NMNAT3: variants seen among roughly 807,000 people sequenced by gnomAD.
NMNAT3 encodes the protein nicotinamide/nicotinic acid mononucleotide adenylyltransferase 3.
Under a neutral mutation model 24.8 loss-of-function variants are expected in NMNAT3, and 21 were observed. The ratio of observed to expected loss-of-function variants is 0.85; its 90% CI spans 0.60 to 1.22. The LOEUF (loss-of-function observed/expected upper bound fraction) is 1.22, where lower values mean the gene tolerates loss of function less well. Among genes scored for constraint, NMNAT3 ranks in the 50% most tolerant of loss-of-function variants. NMNAT3 has a pLI of 0.00. For synonymous variants in NMNAT3, 136 were observed against 155.2 expected (o/e 0.88, Z 0.92); for missense variants, 387 against 436.6 (o/e 0.89, Z 1.01).
At chr3:139,576,154 C>A in intron 5 of NMNAT3, 1 of 985,382 alleles carries the variant, frequency 1.0e-6, no homozygotes, top group South Asian at 4.7e-5. Context: ...ATCAAGAGGA[C>A]ACTAAATGGA....
intron 5 of NMNAT3, chr3:139,576,017 G>A: frequency 7.8e-7 from 1 of 1,289,104 alleles, no homozygotes; most frequent in African/African-American, 1.5e-5. Context: ...GACAACACAA[G>A]ATCATGTCTG....
At chr3:139,657,410 T>C (rs925069314) in intron 1 of NMNAT3, among the ~76,000 whole-genome samples, 2 of 152,188 alleles carry the variant, frequency 1.3e-5, no homozygotes, top group Non-Finnish European at 1.5e-5. Context: ...GAAAAACAGG[T>C]TAGTGCGCAG....
intron 5 of NMNAT3, 113 bp downstream of exon 5, chr3:139,578,759 G>T: frequency 2.3e-6 from 2 of 859,362 alleles, no homozygotes; most frequent in Non-Finnish European, 1.7e-6. Context: ...GATATTTGCT[G>T]AGAAGGTCTG....
At chr3:139,662,843 C>A (rs567568443) in intron 1 of NMNAT3, among the ~76,000 whole-genome samples, 1 of 152,042 alleles carries the variant, frequency 6.6e-6, no homozygotes. Flanking sequence ...CTTTTAATGA[C>A]CCCCCAATCA....
At chr3:139,608,670 C>T (rs553382942) in intron 3 of NMNAT3, among the ~76,000 whole-genome samples, 1 of 152,172 alleles carries the variant, frequency 6.6e-6, no homozygotes, top group East Asian at 1.9e-4. Flanking sequence ...AATATTATAC[C>T]ACAATGTCAC....
intron 6 of NMNAT3, among the ~76,000 whole-genome samples, chr3:139,563,687 A>C (rs1007576907): frequency 6.6e-6 from 1 of 152,152 alleles, no homozygotes. Context: ...CTCGGGCAAC[A>C]TGGGCCTCAG....
intron 1 of NMNAT3, among the ~76,000 whole-genome samples, chr3:139,642,249 C>T (rs141739121): frequency 6.6e-6 from 1 of 152,328 alleles, no homozygotes; most frequent in East Asian, 1.9e-4. Flanking sequence ...AAAGCGCCTG[C>T]TGATCAGGTG....
In NMNAT3 at chr3:139,578,957, G is replaced by A. The variant is rs527270968; in HGVS notation, c.490C>T (p.Leu164=). ...ATCCAGTCGGATGTCTGCAGGGCCA[G>A]CCGGGCCATGGCCACTCGGTGATGA... The change falls in exon 5 of 7, where the codon CTG becomes TTG. Residue 164 remains leucine (L), a synonymous_variant. Transcript: ENST00000643695. The A allele has an allele frequency of 1.1e-5, 18 of 1,614,214 alleles. No homozygotes were observed. In the East Asian group the frequency reaches 4.0e-4, roughly 36 times the overall value.
chr3:139,650,395 C>T (rs963527965), intron 1 of NMNAT3, among the ~76,000 whole-genome samples: 19 of 152,190 alleles, frequency 1.2e-4, no homozygotes, highest in African/African-American at 4.6e-4. Flanking sequence ...ATCTGGAAGG[C>T]TTATGCTTAA....
At chr3:139,576,267 G>C in intron 5 of NMNAT3, 1 of 979,162 alleles carries the variant, frequency 1.0e-6, no homozygotes, top group Non-Finnish European at 1.2e-6. Context: ...ATAATTTTCG[G>C]AAAGTGTTAG....
At chr3:139,592,296 T>C (rs1445099691) in intron 3 of NMNAT3, among the ~76,000 whole-genome samples, 3 of 152,100 alleles carry the variant, frequency 2.0e-5, no homozygotes, top group Non-Finnish European at 4.4e-5. Context: ...ATGAGCAAAG[T>C]GTCCAAGAAA....
chr3:139,645,897 A>G (rs1488209856), intron 1 of NMNAT3, among the ~76,000 whole-genome samples: 1 of 152,244 alleles, frequency 6.6e-6, no homozygotes, highest in African/African-American at 2.4e-5. Context: ...AATGTATCCA[A>G]TTAAAGAATA....
chr3:139,626,468 G>A (rs2056055924), intron 3 of NMNAT3, among the ~76,000 whole-genome samples: 1 of 151,806 alleles, frequency 6.6e-6, no homozygotes, highest in African/African-American at 2.4e-5. Flanking sequence ...CTTTTATATT[G>A]TCCATATCTC....
intron 5 of NMNAT3, among the ~76,000 whole-genome samples, chr3:139,574,607 G>C (rs1185013732): frequency 1.3e-5 from 2 of 152,092 alleles, no homozygotes; most frequent in Non-Finnish European, 1.5e-5. Context: ...CTGTATTTAG[G>C]GGGCAGTAGT....
rs112934155 is a variant in NMNAT3 at position 139,646,485 on chromosome 3, C to T, written c.-140-8423G>A. Reference sequence around the variant, plus strand: ...CATCCTCTGTCTGAAATGAGGCAACCAACATCTCCCCACAATCATTCCCCT... The same window carrying T: ...CATCCTCTGTCTGAAATGAGGCAACTAACATCTCCCCACAATCATTCCCCT... On this transcript the variant is annotated intron_variant, in intron 1 of 6. Coordinates refer to ENST00000643695, the MANE Select transcript of NMNAT3 (RefSeq NM_001320510.2). Among the ~76,000 whole-genome samples, 1,094 of 152,294 alleles carry T rather than the reference C, an allele frequency of 7.2e-3. 10 individuals carry two copies. The highest frequency in any genetic ancestry group is 0.025 in the African/African-American group (1,055 of 41,554).
chr3:139,575,787 G>T, intron 5 of NMNAT3: 1 of 1,164,790 alleles, frequency 8.6e-7, no homozygotes, highest in Non-Finnish European at 1.1e-6. Context: ...CATGTTCTTG[G>T]TGTCCTCAGC....
intron 1 of NMNAT3, among the ~76,000 whole-genome samples, chr3:139,638,918 C>A (rs539562616): frequency 1.4e-4 from 22 of 152,336 alleles, no homozygotes; most frequent in African/African-American, 5.1e-4. Context: ...CTCCAACCCC[C>A]TCCCTATGGC....
chr3:139,582,639 C>CAAAAAAAAAA (rs58495559), intron 4 of NMNAT3, among the ~76,000 whole-genome samples: 10 of 57,468 alleles, frequency 1.7e-4, no homozygotes, highest in African/African-American at 7.3e-4. Context: ...GGGACTGTCT[C>CAAAAAAAAAA]AAAAAAAAAA....
At chr3:139,602,510 T>C (rs2054761624) in intron 3 of NMNAT3, among the ~76,000 whole-genome samples, 1 of 152,236 alleles carries the variant, frequency 6.6e-6, no homozygotes, top group African/African-American at 2.4e-5. Flanking sequence ...ATTGATGTCA[T>C]TGACAAAAAT....
Sources: gnomAD v4.1 joint callset for allele counts (sites outside exome capture counted in the v4.1 genomes callset) on GRCh38, gnomAD v4.1.1 for gene constraint, MANE v1.5 for transcripts, NCBI Gene and HGNC (gene_info 2026-07-23, HGNC 2026-07-21) for gene names.